CLUH: variants seen among roughly 807,000 people sequenced by gnomAD.
The protein encoded by CLUH is CLUH binding protein of NUMT mRNA.
A neutral mutation model predicts 139.3 loss-of-function variants in CLUH; 77 were observed. The ratio of observed to expected loss-of-function variants is 0.55; its 90% CI spans 0.46 to 0.67. The LOEUF (loss-of-function observed/expected upper bound fraction) is 0.67. Ranked by LOEUF, CLUH falls within the 30% of genes least tolerant of loss-of-function variation. The probability of loss-of-function intolerance (pLI) is 0.00; values close to 1 mark genes in which losing one functional copy is unlikely to be tolerated. For missense variants in CLUH, 1,876 were observed against 1,875.8 expected, an observed-to-expected ratio of 1.00 and a Z score of 0.00; for synonymous variants, 999 against 801.6, an observed-to-expected ratio of 1.25 and a Z score of -4.16.
chr17:2,695,270 A>G lies in CLUH; in HGVS notation c.2555T>C (p.Ile852Thr). ...GGCCGAGCGGGTGATGAGTTCTCCA[A>G]TGCCGATTTTCTGGAAGGATTCAGA... is the stretch of plus-strand genomic sequence containing the variant. ...HQLDHVFKIG[I>T]GELITRSAKH... The change falls in exon 15 of 26, where the codon ATT becomes ACT. Residue 852 changes from isoleucine (I) to threonine (T), a missense_variant. Ile to Thr is a moderately conservative substitution (Grantham distance 89, BLOSUM62 -1). Coordinates refer to ENST00000651024, the MANE Select transcript of CLUH (RefSeq NM_001366661.1). 1 of 1,613,838 alleles carries G rather than the reference A, an allele frequency of 6.2e-7. No individual in the cohort carries two copies. The highest frequency in any genetic ancestry group is 2.2e-5 in the East Asian group (1 of 44,866).
chr17:2,699,269 T>C (rs957774834), intron 9 of CLUH, among the ~76,000 whole-genome samples: 4 of 152,216 alleles, frequency 2.6e-5, no homozygotes, highest in Non-Finnish European at 5.9e-5. Flanking sequence ...GTGAAGTCGG[T>C]ACCCGAGAAA....
At position 2,700,493 on chromosome 17, in the gene CLUH, G is replaced by A; in HGVS notation, c.1174-19C>T. On this transcript the variant is annotated intron_variant, in intron 8 of 25. Transcript: ENST00000651024. ...CTCGGGTCTGCAGAGAGATCAGGGA[G>A]GGAAAAACGAGCTCAGCCTGTGCCC... 1 of 1,604,958 alleles carries A rather than the reference G, an allele frequency of 6.2e-7. No homozygotes were observed. Among genetic ancestry groups the A allele is most frequent in the Non-Finnish European group, 8.5e-7 (1 of 1,177,094 alleles).
Position 2,694,865 on chromosome 17 carries a change from G to A in CLUH, c.2844C>T (p.Asp948=), listed in dbSNP as rs376898000. The A allele has an allele frequency of 4.6e-6, 7 of 1,528,060 alleles. No individual in the cohort carries two copies. Among genetic ancestry groups the A allele is most frequent in the Admixed American group, 2.1e-5 (1 of 48,410 alleles). The allele number at this position is 1,528,060 out of a possible 1,614,324, so 94.7% of individuals were successfully genotyped here. The part of the protein sequence containing the change: ...CQEAKNYFDF[D]LECETVDQAV... ...CCCTGCCCCGCACGCACCACTCGAGGTCGAAGTCAAAGTAGTTCTTGGCCT... is the reference window on the plus strand; with the variant it reads ...CCCTGCCCCGCACGCACCACTCGAGATCGAAGTCAAAGTAGTTCTTGGCCT... The change falls in exon 16 of 26, where the codon GAC becomes GAT. Residue 948 remains aspartate (D), a synonymous_variant. Coordinates refer to ENST00000651024, the MANE Select transcript of CLUH (RefSeq NM_001366661.1).
At position 2,701,220 on chromosome 17, in the gene CLUH, G is replaced by A. The variant is rs749650146; in HGVS notation, c.945C>T (p.Phe315=). The A allele has an allele frequency of 2.5e-6, 4 of 1,613,822 alleles. No individual in the cohort carries two copies. The highest frequency in any genetic ancestry group is 2.7e-5 in the African/African-American group (2 of 74,946). The change falls in exon 7 of 26, where the codon TTC becomes TTT. Residue 315 remains phenylalanine (F), a synonymous_variant. Coordinates refer to ENST00000651024, the MANE Select transcript of CLUH (RefSeq NM_001366661.1). The stretch of plus-strand genomic sequence containing the variant: ...GCAGCTCCACTAGGGAATGGCTTAG[G>A]AAGCGGGGGCTGGCGGGCTTGGGGT... ...HFNPKPASPR[F]LSHSLVELLN... is the part of the protein sequence containing the mutation.
intron 4 of CLUH, 78 bp from the exon 5 acceptor site, chr17:2,701,815 C>T (rs534125288): frequency 5.7e-5 from 90 of 1,571,780 alleles, no homozygotes; most frequent in South Asian, 5.6e-4. Context: ...GGCCGTGGTC[C>T]GGGTGCCTCA....
intron 16 of CLUH, 114 bp from the exon 17 acceptor site, chr17:2,694,678 G>A: frequency 7.6e-7 from 1 of 1,307,604 alleles, no homozygotes; most frequent in Non-Finnish European, 1.0e-6. Context: ...GCCCCACCCG[G>A]CCCCCGGGAG....
At chr17:2,710,827 GA>G (rs2070493103) in intron 1 of CLUH, among the ~76,000 whole-genome samples, 1 of 152,224 alleles carries the variant, frequency 6.6e-6, no homozygotes, top group Non-Finnish European at 1.5e-5. Context: ...ACTCTGGTCT[GA>G]CCCACTTTTC....
At chr17:2,699,552 T>C (rs1050552026) in intron 9 of CLUH, among the ~76,000 whole-genome samples, 1 of 151,806 alleles carries the variant, frequency 6.6e-6, no homozygotes, top group African/African-American at 2.4e-5. Flanking sequence ...GGTTTCCAAC[T>C]CCTGGGCTCA....
rs866292155 is a variant in CLUH, at chr17:2,706,471, G to C, written c.101-1907C>G. Among the ~76,000 whole-genome samples the C allele has an allele frequency of 6.4e-4, 97 of 152,020 alleles. No homozygotes were observed. The highest frequency in any genetic ancestry group is 2.3e-3 in the African/African-American group (95 of 41,376). On this transcript the variant is annotated intron_variant, in intron 1 of 25. Coordinates refer to ENST00000651024, the MANE Select transcript of CLUH (RefSeq NM_001366661.1). This position sits in a 1 kb window ranked among gnomAD's most constrained non-coding sequence, Gnocchi z 4.6. ...GCACTCCCTCAACTCTGGCCACTGA[G>C]GACCTTCAGTAACTGTGCATGTCAT...
At chr17:2,690,855 G>T in intron 25 of CLUH, 78 bp from the exon 26 acceptor site, 2 of 1,191,788 alleles carry the variant, frequency 1.7e-6, no homozygotes, top group South Asian at 1.8e-5. Flanking sequence ...TTTCCTGTGG[G>T]ATAAGCTCAG....
rs2070137630 is a variant in CLUH at position 2,700,480 on chromosome 17, G to C, written c.1174-6C>G. On this transcript the variant is annotated splice_polypyrimidine_tract_variant and splice_region_variant and intron_variant, in intron 8 of 25. Transcript: ENST00000651024. ...TCCTCATTCCAGTCTCGGGTCTGCA[G>C]AGAGATCAGGGAGGGAAAAACGAGC... 1.2e-6 allele frequency: 2 copies of C among 1,609,432 alleles called. No individual in the cohort carries two copies. The highest frequency in any genetic ancestry group is 2.2e-5 in the East Asian group (1 of 44,758).
intron 25 of CLUH, among the ~76,000 whole-genome samples, chr17:2,691,023 G>A (rs2069604030): frequency 6.6e-6 from 1 of 152,004 alleles, no homozygotes; most frequent in Admixed American, 6.5e-5. Context: ...GCAGGGGGAG[G>A]AAAGCGGAGT....
intron 1 of CLUH, among the ~76,000 whole-genome samples, chr17:2,708,864 G>A (rs972606482): frequency 2.0e-4 from 17 of 86,654 alleles, no homozygotes; most frequent in African/African-American, 4.8e-4. Flanking sequence ...TCTACTCGGG[G>A]GGGGGGGAGC....
chr17:2,694,448 G>T (rs1555530143), intron 17 of CLUH, 32 bp downstream of exon 17: 1 of 1,516,148 alleles, frequency 6.6e-7, no homozygotes, highest in Non-Finnish European at 9.0e-7. Flanking sequence ...ACACAGCGGG[G>T]ACACAGCGGG....
chr17:2,695,849 CAG>C, intron 13 of CLUH: 1 of 579,688 alleles, frequency 1.7e-6, no homozygotes, highest in Non-Finnish European at 3.0e-6. Context: ...GAACCAGACA[CAG>C]AGCCTGCGGG....
At position 2,690,543 on chromosome 17, in the gene CLUH, C is replaced by A; in HGVS notation, c.*51G>T. The A allele has an allele frequency of 7.2e-7, 1 of 1,388,948 alleles. No individual in the cohort carries two copies. Among genetic ancestry groups the A allele is most frequent in the Non-Finnish European group, 9.4e-7 (1 of 1,064,468 alleles). The allele number at this position is 1,388,948 out of a possible 1,614,324, so 86.0% of individuals were successfully genotyped here. A position where few individuals can be genotyped will look rare whatever the true frequency, so the allele number is the denominator to read the frequency against. Reference sequence around the variant, plus strand: ...CAGGCTCGCCCCCTTCTCCCGCAGTCGGGCTCCCTGGTGACGGGGCCGCTG... The same window carrying A: ...CAGGCTCGCCCCCTTCTCCCGCAGTAGGGCTCCCTGGTGACGGGGCCGCTG... On this transcript the variant is annotated 3_prime_UTR_variant, in exon 26 of 26. Transcript: ENST00000651024.
rs2070052348 is a variant in CLUH at position 2,698,450 on chromosome 17, G to A, written c.1407C>T (p.Asp469=). ...CGAAGTCCTTGTAGTGGTCTCGGAC[G>A]TCGAAGCCCAGGCTGAAGAAGATGT... The part of the protein sequence containing the change: ...WNNIFFSLGF[D]VRDHYKDFGG... The change falls in exon 10 of 26, where the codon GAC becomes GAT. Residue 469 remains aspartate, a synonymous_variant. Coordinates refer to ENST00000651024, the MANE Select transcript of CLUH (RefSeq NM_001366661.1). The A allele has an allele frequency of 1.9e-6, 3 of 1,613,246 alleles. No individual in the cohort carries two copies. The highest frequency in any genetic ancestry group is 1.3e-5 in the African/African-American group (1 of 74,952).
intron 9 of CLUH, 25 bp downstream of exon 9, chr17:2,700,357 G>A: frequency 6.3e-7 from 1 of 1,599,702 alleles, no homozygotes; most frequent in Non-Finnish European, 8.5e-7. Context: ...GCCTCAGACT[G>A]CCGGTCAGCA....
At position 2,709,268 on chromosome 17, in the gene CLUH, G is replaced by A. The variant is rs549165691; in HGVS notation, c.100+2294C>T. On this transcript the variant is annotated intron_variant, in intron 1 of 25. Coordinates refer to ENST00000651024, the MANE Select transcript of CLUH (RefSeq NM_001366661.1). ...GAGGCTCCAGCAGGAAGTAGGGTCCGAAAAGGTGCATCACCCGTCCCGGGA... is the reference window on the plus strand; with the variant it reads ...GAGGCTCCAGCAGGAAGTAGGGTCCAAAAAGGTGCATCACCCGTCCCGGGA... Among the ~76,000 whole-genome samples, 118 of 152,250 alleles carry A rather than the reference G, an allele frequency of 7.8e-4. No homozygotes were observed. The Middle Eastern group carries it at 0.01, about 13-fold the overall frequency.
Sources: gnomAD v4.1 joint callset for allele counts (sites outside exome capture counted in the v4.1 genomes callset) on GRCh38, gnomAD v4.1.1 for gene constraint, Gnocchi (gnomAD v3.1) non-coding constraint, MANE v1.5 for transcripts, NCBI Gene and HGNC (gene_info 2026-07-23, HGNC 2026-07-21) for gene names.